CPXM2: variants seen among roughly 807,000 people sequenced by gnomAD.
The protein encoded by CPXM2 is inactive carboxypeptidase-like protein X2.
In CPXM2, 66 loss-of-function variants were observed where a neutral mutation model predicts 86.1. The observed-to-expected ratio is 0.77, with a 90% CI of 0.63 to 0.94. The LOEUF (loss-of-function observed/expected upper bound fraction) is 0.94, where lower values mean the gene tolerates loss of function less well. Among genes scored for constraint, CPXM2 ranks in the 40% least tolerant of loss-of-function variants. CPXM2 has a pLI of 0.00. For missense variants in CPXM2, 948 were observed against 1,026.3 expected, an observed-to-expected ratio of 0.92 and a Z score of 1.04; for synonymous variants, 388 against 400.2, an observed-to-expected ratio of 0.97 and a Z score of 0.36.
intron 13 of CPXM2, among the ~76,000 whole-genome samples, chr10:123,749,170 T>C (rs565194047): frequency 6.6e-6 from 1 of 152,062 alleles, no homozygotes; most frequent in Non-Finnish European, 1.5e-5. Context: ...GCCGAGAGCC[T>C]GCCCCCACCA....
intron 4 of CPXM2, among the ~76,000 whole-genome samples, chr10:123,810,159 A>G (rs570335485): frequency 1.3e-5 from 2 of 152,076 alleles, no homozygotes; most frequent in Non-Finnish European, 2.9e-5. Context: ...CAGTCATTAC[A>G]TTATCATAAA....
intron 2 of CPXM2, chr10:123,914,080 A>G (rs1405536565): frequency 2.1e-6 from 1 of 480,132 alleles, no homozygotes; most frequent in Non-Finnish European, 4.2e-6. Context: ...TTTGGCATGG[A>G]GCATGCAATT....
At chr10:123,888,816 T>C (rs183033762) in intron 1 of CPXM2, among the ~76,000 whole-genome samples, 12 of 152,276 alleles carry the variant, frequency 7.9e-5, no homozygotes, top group Non-Finnish European at 1.6e-4. Context: ...GAAACACAGC[T>C]GACATGGTAG....
intron 10 of CPXM2, among the ~76,000 whole-genome samples, chr10:123,762,408 CAG>C (rs1173684156): frequency 6.6e-6 from 1 of 152,046 alleles, no homozygotes; most frequent in Non-Finnish European, 1.5e-5. Flanking sequence ...GGGGGAATAA[CAG>C]GGGAAATGTG....
intron 4 of CPXM2, 42 bp downstream of exon 4, chr10:123,842,307 C>A: frequency 6.2e-7 from 1 of 1,611,648 alleles, no homozygotes; most frequent in Non-Finnish European, 8.5e-7. Context: ...AAAAGCTAGA[C>A]CCAAAACAGG....
intron 6 of CPXM2, among the ~76,000 whole-genome samples, chr10:123,791,275 G>T (rs1212990731): frequency 6.6e-6 from 1 of 152,176 alleles, no homozygotes; most frequent in Non-Finnish European, 1.5e-5. Flanking sequence ...AATTAGCTGG[G>T]TGTGGTGGCA....
At chr10:123,771,963 A>T (rs1846644451) in intron 7 of CPXM2, among the ~76,000 whole-genome samples, 1 of 135,066 alleles carries the variant, frequency 7.4e-6, no homozygotes, top group South Asian at 2.5e-4. Flanking sequence ...TTTCTTTATA[A>T]ATTACCCAGT....
chr10:123,932,880 G>A (rs1266972844), intron 2 of CPXM2, among the ~76,000 whole-genome samples: 1 of 152,160 alleles, frequency 6.6e-6, no homozygotes, highest in African/African-American at 2.4e-5. Flanking sequence ...CTCAGTGCAA[G>A]GGCACAGGAC....
chr10:123,812,896 G>A (rs955150158), intron 4 of CPXM2, among the ~76,000 whole-genome samples: 1 of 152,168 alleles, frequency 6.6e-6, no homozygotes, highest in African/African-American at 2.4e-5. Flanking sequence ...AAAAAGGTTG[G>A]GGACTGCTGT....
At chr10:123,872,846 T>C (rs1452748582) in intron 2 of CPXM2, among the ~76,000 whole-genome samples, 1 of 152,042 alleles carries the variant, frequency 6.6e-6, no homozygotes, top group Non-Finnish European at 1.5e-5. Flanking sequence ...CTTGATATGC[T>C]AGCTAGGAAA....
At position 123,891,633 on chromosome 10, in the gene CPXM2, T is replaced by G. The variant is rs1204139463; in HGVS notation, c.27A>C (p.Pro9=). 2.0e-6 allele frequency: 3 copies of G among 1,466,188 alleles called. No homozygotes were observed. Among genetic ancestry groups the G allele is most frequent in the Admixed American group, 2.5e-5 (1 of 39,234 alleles). 90.8% of individuals were successfully genotyped at this position (1,466,188 alleles called of 1,614,324 possible). ...CTGCCAGGAGCACCAGGGCCAGCGCTGGGGTAGCGGTCCCCGGGCGGGACA... is the reference window on the plus strand; with the variant it reads ...CTGCCAGGAGCACCAGGGCCAGCGCGGGGGTAGCGGTCCCCGGGCGGGACA... MSRPGTAT[P]ALALVLLAVT... is the part of the protein sequence containing the mutation. The change falls in exon 1 of 14, where the codon CCA becomes CCC. Residue 9 remains proline, a synonymous_variant. Transcript: ENST00000241305. This position sits in a 1 kb window ranked among gnomAD's most constrained non-coding sequence, Gnocchi z 5.6.
chr10:123,878,360 G>C (rs1160097851), intron 2 of CPXM2, among the ~76,000 whole-genome samples: 4 of 142,614 alleles, frequency 2.8e-5, no homozygotes, highest in Non-Finnish European at 6.0e-5. Flanking sequence ...ATCACGTATA[G>C]GGCATTCAAT....
chr10:123,749,712 G>A (rs1846033728), intron 13 of CPXM2, among the ~76,000 whole-genome samples: 1 of 152,210 alleles, frequency 6.6e-6, no homozygotes, highest in African/African-American at 2.4e-5. Context: ...TGTTCCCACT[G>A]CTGTTCCCAA....
chr10:123,936,028 A>AT (rs1422238129), intron 2 of CPXM2, among the ~76,000 whole-genome samples: 2 of 3,324 alleles, frequency 6.0e-4, no homozygotes, highest in African/African-American at 2.0e-3. Flanking sequence ...ACCACCACCA[A>AT]CACCAGCATC....
intron 2 of CPXM2, among the ~76,000 whole-genome samples, chr10:123,923,733 A>G (rs1009376856): frequency 6.6e-6 from 1 of 152,174 alleles, no homozygotes; most frequent in Non-Finnish European, 1.5e-5. Context: ...CCAGTGGGAG[A>G]TAATTGAATC....
intron 6 of CPXM2, among the ~76,000 whole-genome samples, chr10:123,787,386 G>T (rs1467961832): frequency 2.0e-5 from 3 of 152,000 alleles, no homozygotes; most frequent in African/African-American, 7.2e-5. Context: ...CACTACATGA[G>T]ACTTTTTTTT....
chr10:123,869,443 G>A (rs1370580613), intron 2 of CPXM2, among the ~76,000 whole-genome samples: 1 of 152,186 alleles, frequency 6.6e-6, no homozygotes, highest in Non-Finnish European at 1.5e-5. Flanking sequence ...TGTGGGTGAG[G>A]AGAACACAGA....
chr10:123,747,038 G>C (rs1430455312), intron 13 of CPXM2, 21 bp from the exon 14 acceptor site: 1 of 1,612,436 alleles, frequency 6.2e-7, no homozygotes, highest in Non-Finnish European at 8.5e-7. Flanking sequence ...GAAAACCAGG[G>C]GAGACTCAGA....
intron 6 of CPXM2, 92 bp from the exon 7 acceptor site, chr10:123,780,347 G>T: frequency 1.2e-6 from 1 of 852,076 alleles, no homozygotes; most frequent in East Asian, 2.5e-5. Context: ...CACGGACAGT[G>T]CAGCCCAATC....
Sources: allele counts gnomAD v4.1 joint callset (sites outside exome capture counted in the v4.1 genomes callset), GRCh38; gene constraint gnomAD v4.1.1; non-coding constraint Gnocchi (gnomAD v3.1); transcripts MANE v1.5; gene names NCBI Gene and HGNC (gene_info 2026-07-23, HGNC 2026-07-21).